ZNF718: variants seen among roughly 807,000 people sequenced by gnomAD.
The protein encoded by ZNF718 is zinc finger protein 718.
A neutral mutation model predicts 2.6 loss-of-function variants in ZNF718; 3 were observed. The ratio of observed to expected loss-of-function variants is 1.16; its 90% confidence interval spans 0.53 to 3.01. ZNF718 has a LOEUF of 3.01. Ranked by LOEUF, ZNF718 falls within the 30% of genes most tolerant of loss-of-function variation. The pLI, the probability that ZNF718 is intolerant of heterozygous loss-of-function variation, is 0.03. For missense variants in ZNF718, 468 were observed against 230.0 expected, an observed-to-expected ratio of 2.03 and a Z score of -6.69; for synonymous variants, 135 against 77.9, an observed-to-expected ratio of 1.73 and a Z score of -3.86.
intron 3 of ZNF718, among the ~76,000 whole-genome samples, chr4:158,300 G>GT (rs1294752605): frequency 6.6e-6 from 1 of 151,580 alleles, no homozygotes; most frequent in Non-Finnish European, 1.5e-5. Flanking sequence ...GTTGGATCTT[G>GT]TTTTTTTAAT....
rs185918657 is a variant in ZNF718, at chr4:191,234, C to T, written c.227-9847C>T. Among the ~76,000 whole-genome samples, 1,044 of 149,960 alleles carry T rather than the reference C, an allele frequency of 7.0e-3. 8 individuals are homozygous for T. Among genetic ancestry groups the T allele is most frequent in the Middle Eastern group, 0.017 (5 of 294 alleles). On this transcript the variant is annotated intron_variant and NMD_transcript_variant, in intron 3 of 4. Coordinates refer to the ZNF718 transcript ENST00000642529. ...TGTCATCTCGGCTCACTGCAACCTC[C>T]GCTTCCGGGGTTCAAGCAATTCTCC...
chr4:196,792 A>G (rs919573004), intron 3 of ZNF718, among the ~76,000 whole-genome samples: 9 of 151,988 alleles, frequency 5.9e-5, no homozygotes, highest in Non-Finnish European at 8.8e-5. Context: ...CCTTCCCAGG[A>G]AGGCTGACAC....
chr4:195,239 C>A (rs1717768914), intron 3 of ZNF718, among the ~76,000 whole-genome samples: 1 of 152,166 alleles, frequency 6.6e-6, no homozygotes, highest in African/African-American at 2.4e-5. Flanking sequence ...TTTTTTGATT[C>A]TGTAAGTACT....
rs781903448 is a variant in ZNF718, at chr4:161,851, A to T, written c.1166A>T (p.His389Leu). Residue 389 changes from histidine (H) to leucine (L), a missense_variant, in exon 4 of 4, where the codon CAC becomes CTC. Physicochemically the swap from His to Leu is moderately conservative, Grantham distance 99. Transcript: ENST00000510175. ...SSTLNVHKRI[H>L]SGKNPYKCED... ...ACCCTTAATGTACACAAGAGAATTC[A>T]CTCTGGAAAAAATCCCTACAAATGT... 6.4e-6 allele frequency: 5 copies of T among 780,842 alleles called. No individual in the cohort carries two copies. The highest frequency in any genetic ancestry group is 1.2e-5 in the Non-Finnish European group (5 of 418,010). 48.4% of individuals were successfully genotyped at this position (780,842 alleles called of 1,614,324 possible). A position where few individuals can be genotyped will look rare whatever the true frequency, so the allele number is the denominator to read the frequency against.
downstream of ZNF718, among the ~76,000 whole-genome samples, chr4:166,185 A>C (rs1449325990): frequency 1.2e-4 from 18 of 152,080 alleles, no homozygotes; most frequent in African/African-American, 4.3e-4. Context: ...TGAACTCATC[A>C]TTTTTTATGG....
At chr4:189,065 T>A (rs1046646916) in intron 3 of ZNF718, among the ~76,000 whole-genome samples, 1 of 150,554 alleles carries the variant, frequency 6.6e-6, no homozygotes, top group African/African-American at 2.4e-5. Flanking sequence ...GATTATTTTT[T>A]TTTTTTTTTT....
chr4:131,976 C>T (rs1215567565), intron 3 of ZNF718, among the ~76,000 whole-genome samples: 1 of 98,616 alleles, frequency 1.0e-5, no homozygotes, highest in African/African-American at 3.5e-5. Flanking sequence ...ACCCAGGAGT[C>T]GGAGCTTGCA....
At chr4:147,052 C>A (rs1327349475) in intron 3 of ZNF718, among the ~76,000 whole-genome samples, 1 of 152,086 alleles carries the variant, frequency 6.6e-6, no homozygotes, top group Non-Finnish European at 1.5e-5. Flanking sequence ...CTCACTGCAA[C>A]CTTCACACTC....
rs1716982763 is a variant in ZNF718, at chr4:163,275, T to A, written c.*1153T>A. ...ATCTCGGCTCACTGCAAGCTCTGCCTCCCCCTGGGTTCACGCCATTCTCCT... is the reference window on the plus strand; with the variant it reads ...ATCTCGGCTCACTGCAAGCTCTGCCACCCCCTGGGTTCACGCCATTCTCCT... On this transcript the variant is annotated 3_prime_UTR_variant, in exon 4 of 4. Coordinates refer to ENST00000510175, the MANE Select transcript of ZNF718 (RefSeq NM_001039127.6). 6.6e-6 allele frequency: 1 copy of A among 151,288 alleles called. No homozygotes were observed. Among genetic ancestry groups the A allele is most frequent in the African/African-American group, 2.4e-5 (1 of 41,124 alleles). The allele number at this position is 151,288 out of a possible 1,614,324, so 9.4% of individuals were successfully genotyped here.
intron 3 of ZNF718, among the ~76,000 whole-genome samples, chr4:134,792 A>T (rs1715486914): frequency 1.3e-5 from 2 of 151,892 alleles, no homozygotes; most frequent in Non-Finnish European, 2.9e-5. Flanking sequence ...TGCAACACAT[A>T]TTTTTATGTT....
At chr4:179,094 A>G (rs114264073) in intron 3 of ZNF718, among the ~76,000 whole-genome samples, 13 of 152,310 alleles carry the variant, frequency 8.5e-5, no homozygotes, top group Non-Finnish European at 1.9e-4. Flanking sequence ...CAAGTTCATT[A>G]TCTTCTATTT....
At chr4:133,472 A>C (rs1327526719) in intron 3 of ZNF718, among the ~76,000 whole-genome samples, 2 of 151,980 alleles carry the variant, frequency 1.3e-5, no homozygotes, top group African/African-American at 4.8e-5. Context: ...ATTATCTTTT[A>C]ATTTTGTCTT....
At chr4:196,808 T>C (rs1485888740) in intron 3 of ZNF718, among the ~76,000 whole-genome samples, 2 of 151,976 alleles carry the variant, frequency 1.3e-5, no homozygotes, top group East Asian at 3.9e-4. Flanking sequence ...GACACCTGAG[T>C]CTTTAGTCTG....
intron 3 of ZNF718, among the ~76,000 whole-genome samples, chr4:134,387 C>T (rs1417785498): frequency 6.6e-6 from 1 of 152,194 alleles, no homozygotes; most frequent in African/African-American, 2.4e-5. Context: ...TCGTGATCTG[C>T]CCACCTCGGC....
At chr4:157,596 T>C (rs1313676970) in intron 3 of ZNF718, among the ~76,000 whole-genome samples, 8 of 152,204 alleles carry the variant, frequency 5.3e-5, no homozygotes, top group Admixed American at 4.6e-4. Flanking sequence ...ATTTCAAACA[T>C]TGAACAAGAG....
At chr4:194,143 A>G (rs1560133910) in intron 3 of ZNF718, among the ~76,000 whole-genome samples, 1 of 152,120 alleles carries the variant, frequency 6.6e-6, no homozygotes, top group Non-Finnish European at 1.5e-5. Context: ...TAGGGTTTCT[A>G]AGTTTTGCTC....
chr4:176,288 C>T (rs1717345058), intron 3 of ZNF718, among the ~76,000 whole-genome samples: 1 of 152,152 alleles, frequency 6.6e-6, no homozygotes, highest in African/African-American at 2.4e-5. Flanking sequence ...GTTTCACTTA[C>T]CATTGGGACC....
At position 189,186 on chromosome 4, in the gene ZNF718, G is replaced by A. The variant is rs561764843; in HGVS notation, c.227-11895G>A. On this transcript the variant is annotated intron_variant and NMD_transcript_variant, in intron 3 of 4. Transcript: ENST00000642529. ...AGCAATTCTCCTGCCTCAACCTCCC[G>A]AGAAGCTGGGATTACAGGCATGTGC... is the stretch of plus-strand genomic sequence containing the variant. 8.0e-5 allele frequency among the ~76,000 whole-genome samples: 12 copies of A among 150,540 alleles called. No individual in the cohort carries two copies. The East Asian group carries it at 1.4e-3, about 17-fold the overall frequency.
downstream of ZNF718, among the ~76,000 whole-genome samples, chr4:167,613 T>C (rs1254480063): frequency 6.6e-6 from 1 of 152,186 alleles, no homozygotes; most frequent in East Asian, 1.9e-4. Context: ...TTTGAAGCAA[T>C]TGTGAATGGG....
Sources: allele counts gnomAD v4.1 joint callset (sites outside exome capture counted in the v4.1 genomes callset), GRCh38; gene constraint gnomAD v4.1.1; transcripts MANE v1.5; gene names NCBI Gene and HGNC (gene_info 2026-07-23, HGNC 2026-07-21).